The following ESRRG variants were observed in gnomAD, a reference collection of about 807,000 sequenced individuals.
ESRRG encodes the protein estrogen-related receptor gamma.
ESRRG carries 13 observed loss-of-function variants against 44.0 expected under a neutral mutation model. The ratio of observed to expected loss-of-function variants is 0.30; its 90% CI spans 0.19 to 0.47. The LOEUF (loss-of-function observed/expected upper bound fraction) is 0.47, where lower values mean the gene tolerates loss of function less well. Ranked by LOEUF, ESRRG falls within the 20% of genes least tolerant of loss-of-function variation. The pLI, the probability that ESRRG is intolerant of heterozygous loss-of-function variation, is 1.00. For synonymous variants in ESRRG, 215 were observed against 214.6 expected (o/e 1.00, Z -0.02); for missense variants, 395 against 580.6 (o/e 0.68, Z 3.29).
In ESRRG at chr1:216,912,107, G is replaced by GAAGAA. The variant is rs763291110; in HGVS notation, c.-14+27470_-14+27474dup. On this transcript the variant is annotated intron_variant, in intron 2 of 7. Transcript: ENST00000359162. ...GAGCAAGACCCACCCTGTAAAAAAA[G>GAAGAA]AAGAAAAGAAAAGAAAAGAAAAGAA... 4.8e-3 allele frequency among the ~76,000 whole-genome samples: 354 copies of GAAGAA among 74,328 alleles called. 11 individuals are homozygous for GAAGAA. Among genetic ancestry groups the GAAGAA allele is most frequent in the Non-Finnish European group, 7.1e-3 (255 of 35,844 alleles). 48.8% of individuals were successfully genotyped at this position (74,328 alleles called of 152,430 possible). A position where few individuals can be genotyped will look rare whatever the true frequency, so the allele number is the denominator to read the frequency against.
intron 1 of ESRRG, among the ~76,000 whole-genome samples, chr1:217,137,320 C>T (rs1037247385): frequency 4.6e-5 from 7 of 152,242 alleles, no homozygotes; most frequent in Non-Finnish European, 1.5e-5. Flanking sequence ...TCCTCTTAAA[C>T]GCAAAAGTTA....
intron 1 of ESRRG, among the ~76,000 whole-genome samples, chr1:217,102,843 G>C (rs1204047000): frequency 6.6e-6 from 1 of 152,056 alleles, no homozygotes; most frequent in African/African-American, 2.4e-5. Context: ...ACAGAAAAAG[G>C]CCTCTAAGGT....
intron 1 of ESRRG, among the ~76,000 whole-genome samples, chr1:216,709,635 C>T (rs902853472): frequency 6.6e-6 from 1 of 151,626 alleles, no homozygotes; most frequent in African/African-American, 2.4e-5. Context: ...TCATACAGAC[C>T]CCTTTATTAA....
chr1:217,055,599 G>A (rs1287356917), intron 1 of ESRRG, among the ~76,000 whole-genome samples: 1 of 152,112 alleles, frequency 6.6e-6, no homozygotes, highest in African/African-American at 2.4e-5. Context: ...CCATGGGATA[G>A]GCTGGGGCTC....
At chr1:216,975,821 T>G (rs563919231) in intron 1 of ESRRG, among the ~76,000 whole-genome samples, 7 of 152,180 alleles carry the variant, frequency 4.6e-5, no homozygotes, top group African/African-American at 1.7e-4. Context: ...CTACATTTGT[T>G]GAGTACATGC....
intron 2 of ESRRG, among the ~76,000 whole-genome samples, chr1:216,776,652 C>T (rs2093627310): frequency 1.3e-5 from 2 of 152,130 alleles, no homozygotes; most frequent in Non-Finnish European, 2.9e-5. Context: ...GGACAACATT[C>T]CATAGAACCA....
chr1:216,540,972 C>T (rs17042779), intron 5 of ESRRG, among the ~76,000 whole-genome samples: 17,218 of 151,956 alleles, frequency 0.11, 1,650 homozygotes, highest in African/African-American at 0.26. Flanking sequence ...ATGACATTTA[C>T]TAATGTGTTG....
intron 5 of ESRRG, among the ~76,000 whole-genome samples, chr1:216,541,611 T>TGTGTGTGTGTGTGA (rs753149020): frequency 2.7e-5 from 4 of 148,636 alleles, no homozygotes; most frequent in Non-Finnish European, 5.9e-5. Flanking sequence ...TGTGTGTATG[T>TGTGTGTGTGTGTGA]GATCAGCTAT....
At chr1:216,619,827 A>G (rs1307292990) in intron 3 of ESRRG, among the ~76,000 whole-genome samples, 1 of 152,228 alleles carries the variant, frequency 6.6e-6, no homozygotes, top group Non-Finnish European at 1.5e-5. Flanking sequence ...GCATGTGGCC[A>G]GGAGAGTCAA....
At chr1:216,516,299 G>T (rs2044245967) in intron 6 of ESRRG, among the ~76,000 whole-genome samples, 5 of 152,146 alleles carry the variant, frequency 3.3e-5, no homozygotes, top group Admixed American at 3.3e-4. Context: ...ACATATTGTT[G>T]TTTTGGCCAC....
chr1:216,727,874 T>C (rs2087872944), upstream of ESRRG, among the ~76,000 whole-genome samples: 1 of 151,876 alleles, frequency 6.6e-6, no homozygotes, highest in Non-Finnish European at 1.5e-5. Context: ...TAAACTCTTT[T>C]CCCACTGTTT....
At chr1:216,880,150 T>C (rs993316836) in intron 2 of ESRRG, among the ~76,000 whole-genome samples, 2 of 150,772 alleles carry the variant, frequency 1.3e-5, no homozygotes, top group Non-Finnish European at 3.0e-5. Flanking sequence ...TCTACTAAAA[T>C]ACAAAAATTA....
intron 6 of ESRRG, 100 bp from the exon 7 acceptor site, chr1:216,507,283 C>T: frequency 1.3e-6 from 1 of 763,302 alleles, no homozygotes; most frequent in Middle Eastern, 4.2e-4. Flanking sequence ...TATTTTTGAA[C>T]TTCTCTGAGC....
At chr1:216,809,250 T>A (rs949892465) in intron 2 of ESRRG, among the ~76,000 whole-genome samples, 1 of 152,014 alleles carries the variant, frequency 6.6e-6, no homozygotes, top group Non-Finnish European at 1.5e-5. Flanking sequence ...ACAAGGCTGT[T>A]TGGTGTTTTT....
intron 2 of ESRRG, among the ~76,000 whole-genome samples, chr1:216,668,994 T>C (rs1240751023): frequency 6.6e-6 from 1 of 152,172 alleles, no homozygotes; most frequent in African/African-American, 2.4e-5. Context: ...AAATAGGGTG[T>C]CTTGATTTAG....
chr1:217,113,054 G>A (rs1039811069), intron 1 of ESRRG, among the ~76,000 whole-genome samples: 1 of 152,200 alleles, frequency 6.6e-6, no homozygotes, highest in Non-Finnish European at 1.5e-5. Context: ...GAATCGTATT[G>A]ATAGAAGAGC....
At chr1:216,813,940 C>T (rs1231278915) in intron 2 of ESRRG, among the ~76,000 whole-genome samples, 1 of 152,134 alleles carries the variant, frequency 6.6e-6, no homozygotes, top group Non-Finnish European at 1.5e-5. Context: ...TCTGCTGTGG[C>T]ATCTGATTCA....
intron 1 of ESRRG, among the ~76,000 whole-genome samples, chr1:216,962,331 T>C (rs1194479800): frequency 2.1e-5 from 3 of 146,222 alleles, no homozygotes; most frequent in African/African-American, 8.3e-5. Flanking sequence ...TCTGGTCAAG[T>C]CTTTGAGTTT....
At chr1:216,590,765 TACAAGAAAGTATAAGCC>T (rs1352583417) in intron 3 of ESRRG, among the ~76,000 whole-genome samples, 2 of 152,130 alleles carry the variant, frequency 1.3e-5, no homozygotes, top group Non-Finnish European at 2.9e-5. Flanking sequence ...TTTTTTTTAA[TACAAGAAAGTATAAGCC>T]ACAAGACAGT....
Sources: allele counts gnomAD v4.1 joint callset (sites outside exome capture counted in the v4.1 genomes callset), GRCh38; gene constraint gnomAD v4.1.1; transcripts MANE v1.5; gene names NCBI Gene and HGNC (gene_info 2026-07-23, HGNC 2026-07-21).